PTGFRN: variants seen among roughly 807,000 people sequenced by gnomAD.
PTGFRN encodes prostaglandin F2 receptor inhibitor.
A neutral mutation model predicts 83.2 loss-of-function variants in PTGFRN; 35 were observed. The observed-to-expected ratio is 0.42, with a 90% CI of 0.32 to 0.56. The LOEUF (loss-of-function observed/expected upper bound fraction) is 0.56, where lower values mean the gene tolerates loss of function less well. Ranked by LOEUF, PTGFRN falls within the 20% of genes least tolerant of loss-of-function variation. PTGFRN has a pLI of 0.11. For missense variants in PTGFRN, 1,051 were observed against 1,179.5 expected (o/e 0.89, Z 1.60); for synonymous variants, 519 against 498.6 (o/e 1.04, Z -0.55).
chr1:116,976,250 G>A lies in PTGFRN; in HGVS notation c.2167+1927G>A, dbSNP rs533748774. Among the ~76,000 whole-genome samples the A allele has an allele frequency of 1.2e-3, 182 of 152,344 alleles. 2 individuals are homozygous for A. The highest frequency in any genetic ancestry group is 3.8e-3 in the African/African-American group (156 of 41,568). ...AAAAGACCAAATCTGTGTCTGATTG[G>A]TGTACCTGAAAGTGATGGGGAGAAT... On this transcript the variant is annotated intron_variant, in intron 7 of 8. Coordinates refer to ENST00000393203, the MANE Select transcript of PTGFRN (RefSeq NM_020440.4).
intron 1 of PTGFRN, among the ~76,000 whole-genome samples, chr1:116,928,579 A>G (rs1427215780): frequency 6.6e-6 from 1 of 152,160 alleles, no homozygotes; most frequent in Non-Finnish European, 1.5e-5. Flanking sequence ...TGCTGGGGAA[A>G]ATCTCAAAGT....
At chr1:116,967,650 A>G (rs750312979) in intron 6 of PTGFRN, among the ~76,000 whole-genome samples, 2 of 152,170 alleles carry the variant, frequency 1.3e-5, no homozygotes, top group African/African-American at 2.4e-5. Flanking sequence ...CATTTTGCCT[A>G]TTATGGACAT....
chr1:116,950,848 G>A (rs1650326795), intron 4 of PTGFRN, among the ~76,000 whole-genome samples: 1 of 152,140 alleles, frequency 6.6e-6, no homozygotes, highest in South Asian at 2.1e-4. Context: ...GGTTTATCTG[G>A]CAAGCTTTTT....
At chr1:116,963,683 C>T (rs1650737077) in intron 5 of PTGFRN, among the ~76,000 whole-genome samples, 1 of 152,132 alleles carries the variant, frequency 6.6e-6, no homozygotes, top group Non-Finnish European at 1.5e-5. Context: ...TTGTAGCTCA[C>T]TGCAGCCTTG....
At chr1:116,943,500 G>A (rs889439146) in intron 2 of PTGFRN, among the ~76,000 whole-genome samples, 1 of 152,112 alleles carries the variant, frequency 6.6e-6, no homozygotes, top group African/African-American at 2.4e-5. Flanking sequence ...GGCCTTTCTT[G>A]GGTGAGGAAA....
chr1:116,970,621 T>C (rs997979347), intron 6 of PTGFRN, among the ~76,000 whole-genome samples: 1 of 152,198 alleles, frequency 6.6e-6, no homozygotes, highest in Admixed American at 6.5e-5. Flanking sequence ...AGCTTCCAGG[T>C]TGAATAGATT....
chr1:116,953,007 C>G (rs771740105), intron 4 of PTGFRN, among the ~76,000 whole-genome samples: 2 of 152,244 alleles, frequency 1.3e-5, no homozygotes, highest in Non-Finnish European at 2.9e-5. Context: ...CCATCTCCTT[C>G]TGCTATCAGA....
intron 1 of PTGFRN, among the ~76,000 whole-genome samples, chr1:116,924,543 G>A (rs918886805): frequency 2.0e-5 from 3 of 152,156 alleles, no homozygotes; most frequent in Non-Finnish European, 4.4e-5. Context: ...CCCCAAAGAA[G>A]AGTGTAAGTA....
intron 1 of PTGFRN, among the ~76,000 whole-genome samples, chr1:116,913,173 AC>A (rs1649316524): frequency 6.6e-6 from 1 of 152,236 alleles, no homozygotes; most frequent in African/African-American, 2.4e-5. Flanking sequence ...GAAATACCTG[AC>A]ATGGAAACCA....
chr1:116,979,160 C>A (rs1036306739), intron 7 of PTGFRN, among the ~76,000 whole-genome samples: 1 of 152,112 alleles, frequency 6.6e-6, no homozygotes, highest in Non-Finnish European at 1.5e-5. Flanking sequence ...ATCCAACTTA[C>A]AAGGGATGTG....
At position 116,930,080 on chromosome 1, in the gene PTGFRN, T is replaced by G. The variant is rs139700418; in HGVS notation, c.50-11635T>G. Among the ~76,000 whole-genome samples, 22 of 152,380 alleles carry G rather than the reference T, an allele frequency of 1.4e-4. No homozygotes were observed. In the East Asian group the frequency reaches 4.2e-3, roughly 29 times the overall value. ...ATTTTTTTCAAACAAAGGCATATAG[T>G]AGGAGTCTGCTTTAGATATTGTGCA... On this transcript the variant is annotated intron_variant, in intron 1 of 8. Transcript: ENST00000393203.
In PTGFRN at chr1:116,951,826, G is replaced by T. The variant is rs770502131; in HGVS notation, c.1213+2254G>T. Among the ~76,000 whole-genome samples the T allele has an allele frequency of 4.5e-4, 68 of 152,132 alleles. 1 individual carries two copies. Among genetic ancestry groups the T allele is most frequent in the Non-Finnish European group, 6.6e-4 (45 of 68,018 alleles). On this transcript the variant is annotated intron_variant, in intron 4 of 8. Coordinates refer to ENST00000393203, the MANE Select transcript of PTGFRN (RefSeq NM_020440.4). ...ACTCTGTCCAGAAGCCAGTGAGCCT[G>T]GCCTGACACTCCATGGTTGTCTCTA... is the stretch of plus-strand genomic sequence containing the variant.
At chr1:116,935,772 GA>G (rs1432574319) in intron 1 of PTGFRN, among the ~76,000 whole-genome samples, 2 of 151,938 alleles carry the variant, frequency 1.3e-5, no homozygotes, top group Non-Finnish European at 2.9e-5. Context: ...CTGTTTTTTT[GA>G]AAGAATGTAC....
At chr1:116,985,440 T>C (rs1570683558) in intron 8 of PTGFRN, among the ~76,000 whole-genome samples, 1 of 152,058 alleles carries the variant, frequency 6.6e-6, no homozygotes, top group South Asian at 2.1e-4. Flanking sequence ...GGCTCACGCC[T>C]GTAACCCCAG....
chr1:116,946,681 T>C (rs1342165321), intron 3 of PTGFRN, among the ~76,000 whole-genome samples: 1 of 152,224 alleles, frequency 6.6e-6, no homozygotes, highest in Non-Finnish European at 1.5e-5. Context: ...TTTTGTGCCA[T>C]GAGACTTTTC....
chr1:116,911,903 T>G (rs1213095830), intron 1 of PTGFRN, among the ~76,000 whole-genome samples: 1 of 152,238 alleles, frequency 6.6e-6, no homozygotes, highest in Admixed American at 6.5e-5. Context: ...TAATTGACTT[T>G]ATGTGTCTGG....
chr1:116,925,099 G>A (rs1238529873), intron 1 of PTGFRN, among the ~76,000 whole-genome samples: 1 of 152,108 alleles, frequency 6.6e-6, no homozygotes, highest in African/African-American at 2.4e-5. Context: ...AGAAGGGGTG[G>A]GTAGTTTACT....
intron 4 of PTGFRN, among the ~76,000 whole-genome samples, chr1:116,951,636 C>G (rs1364291649): frequency 6.6e-6 from 1 of 152,098 alleles, no homozygotes; most frequent in Non-Finnish European, 1.5e-5. Context: ...AACGAAAGAG[C>G]GAGTAGTATG....
At chr1:116,937,053 T>C (rs1649939222) in intron 1 of PTGFRN, among the ~76,000 whole-genome samples, 1 of 152,148 alleles carries the variant, frequency 6.6e-6, no homozygotes, top group Non-Finnish European at 1.5e-5. Flanking sequence ...AAAGGCCTCA[T>C]TGAGAAGGTG....
Sources: gnomAD v4.1 joint callset for allele counts (sites outside exome capture counted in the v4.1 genomes callset) on GRCh38, gnomAD v4.1.1 for gene constraint, MANE v1.5 for transcripts, NCBI Gene and HGNC (gene_info 2026-07-23, HGNC 2026-07-21) for gene names.